SEM1: variants seen among roughly 807,000 people sequenced by gnomAD.
SEM1 encodes the protein SEM1 26S proteasome subunit.
A neutral mutation model predicts 12.7 loss-of-function variants in SEM1; 3 were observed. That is an observed-to-expected ratio of 0.24 (90% CI 0.11 to 0.61). The LOEUF is 0.61. Ranked by LOEUF, SEM1 falls within the 20% of genes least tolerant of loss-of-function variation. The probability of loss-of-function intolerance (pLI) is 0.88; values close to 1 mark genes in which losing one functional copy is unlikely to be tolerated. For missense variants in SEM1, 59 were observed against 81.3 expected (o/e 0.73, Z 1.06); for synonymous variants, 30 against 27.8 (o/e 1.08, Z -0.25).
At chr7:96,605,792 C>T (rs193123915) in intron 2 of SEM1, among the ~76,000 whole-genome samples, 1 of 152,254 alleles carries the variant, frequency 6.6e-6, no homozygotes, top group African/African-American at 2.4e-5. Flanking sequence ...GGTCAACCCC[C>T]ATCCAAAAAT....
At chr7:96,586,779 G>A (rs1285344747) in intron 2 of SEM1, among the ~76,000 whole-genome samples, 1 of 152,114 alleles carries the variant, frequency 6.6e-6, no homozygotes, top group African/African-American at 2.4e-5. Flanking sequence ...TAATGAAATA[G>A]GTCCTGTTAT....
intron 3 of SEM1, among the ~76,000 whole-genome samples, chr7:96,502,635 G>GT (rs1486302981): frequency 3.9e-5 from 6 of 152,092 alleles, no homozygotes; most frequent in Admixed American, 2.0e-4. Flanking sequence ...ACTATTATTT[G>GT]GGTTATGTCA....
intron 2 of SEM1, among the ~76,000 whole-genome samples, chr7:96,564,053 A>T (rs1220347556): frequency 6.6e-6 from 1 of 152,114 alleles, no homozygotes; most frequent in African/African-American, 2.4e-5. Flanking sequence ...TAAAATAGAC[A>T]TTATTTAAAA....
chr7:96,639,527 CA>C (rs1307673629), intron 2 of SEM1, among the ~76,000 whole-genome samples: 1 of 151,780 alleles, frequency 6.6e-6, no homozygotes, highest in East Asian at 1.9e-4. Flanking sequence ...ACAGGACATC[CA>C]AATGCAATGA....
chr7:96,688,447 G>T (rs1439527968), downstream of SEM1: 1 of 152,012 alleles, frequency 6.6e-6, no homozygotes, highest in Non-Finnish European at 1.5e-5. Flanking sequence ...GGTTTTGAAA[G>T]GTCACCTTAT....
chr7:96,526,246 C>G (rs942419831), intron 2 of SEM1, among the ~76,000 whole-genome samples: 3 of 151,818 alleles, frequency 2.0e-5, no homozygotes, highest in South Asian at 4.2e-4. Flanking sequence ...AAACAGTTCT[C>G]TGGGCACAGG....
chr7:96,584,152 G>A (rs948893046), intron 2 of SEM1, among the ~76,000 whole-genome samples: 2 of 152,010 alleles, frequency 1.3e-5, no homozygotes, highest in East Asian at 1.9e-4. Context: ...AGCTCTTTTT[G>A]GGTAGGCCTG....
At chr7:96,587,430 T>C (rs1806676864) in intron 2 of SEM1, among the ~76,000 whole-genome samples, 1 of 152,200 alleles carries the variant, frequency 6.6e-6, no homozygotes. Flanking sequence ...CACCCCTGCA[T>C]TCCACTATCT....
At chr7:96,618,337 T>C (rs1584809006), downstream of SEM1, among the ~76,000 whole-genome samples, 1 of 152,330 alleles carries the variant, frequency 6.6e-6, no homozygotes, top group African/African-American at 2.4e-5. Context: ...TTTTTTCACT[T>C]TGACATTAGA....
chr7:96,522,408 T>C (rs1290257352), intron 2 of SEM1, among the ~76,000 whole-genome samples: 1 of 152,056 alleles, frequency 6.6e-6, no homozygotes, highest in Non-Finnish European at 1.5e-5. Context: ...TAACAATGAT[T>C]GCCCAAGTCA....
At chr7:96,484,050 T>C in intron 3 of SEM1, 2 of 1,387,818 alleles carry the variant, frequency 1.4e-6, no homozygotes, top group Middle Eastern at 1.9e-4. Flanking sequence ...TCATGCATAT[T>C]AACTTATTCA....
At chr7:96,613,518 T>C (rs929333564) in intron 2 of SEM1, among the ~76,000 whole-genome samples, 3 of 152,226 alleles carry the variant, frequency 2.0e-5, no homozygotes, top group African/African-American at 7.2e-5. Flanking sequence ...ATCTATCACC[T>C]CAAATAATTA....
intron 2 of SEM1, among the ~76,000 whole-genome samples, chr7:96,508,517 A>G (rs1005646803): frequency 4.6e-5 from 7 of 152,086 alleles, no homozygotes; most frequent in African/African-American, 1.7e-4. Flanking sequence ...AGATTTCCCA[A>G]TTCCTGGCCC....
intron 2 of SEM1, among the ~76,000 whole-genome samples, chr7:96,541,490 G>A (rs986438007): frequency 1.5e-5 from 2 of 131,068 alleles, no homozygotes; most frequent in African/African-American, 2.9e-5. Flanking sequence ...TATAGATTCC[G>A]AATATTAGAC....
intron 2 of SEM1, among the ~76,000 whole-genome samples, chr7:96,534,259 T>C (rs1333182136): frequency 6.6e-6 from 1 of 152,078 alleles, no homozygotes; most frequent in Non-Finnish European, 1.5e-5. Context: ...AAACAAAATT[T>C]AGAATTTTGG....
intron 2 of SEM1, among the ~76,000 whole-genome samples, chr7:96,588,344 C>A (rs1806711846): frequency 9.3e-6 from 1 of 108,036 alleles, no homozygotes; most frequent in African/African-American, 3.5e-5. Context: ...AAGATCATGT[C>A]TAAAAACAAA....
At chr7:96,659,913 C>CAAAAAAAAAA (rs71529826) in intron 2 of SEM1, among the ~76,000 whole-genome samples, 168 of 66,594 alleles carry the variant, frequency 2.5e-3, no homozygotes, top group East Asian at 3.8e-3. Context: ...AGTAAGATGG[C>CAAAAAAAAAA]AAAAAAAAAA....
intron 2 of SEM1, among the ~76,000 whole-genome samples, chr7:96,662,152 C>A (rs978624734): frequency 1.8e-4 from 28 of 152,066 alleles, no homozygotes; most frequent in South Asian, 4.2e-4. Context: ...TGCCATTTGA[C>A]CCAGCAATCC....
rs181728783 is a variant in SEM1 at position 96,569,108 on chromosome 7, C to G, written c.171-62410G>C. 4.5e-4 allele frequency among the ~76,000 whole-genome samples: 68 copies of G among 151,808 alleles called. No homozygotes were observed. In the East Asian group the frequency reaches 0.011, roughly 25 times the overall value. On this transcript the variant is annotated intron_variant and NMD_transcript_variant, in intron 2 of 3. Transcript: ENST00000466986. Reference sequence around the variant, plus strand: ...GATCCAGTTTTTTTAAGATGCGACCCCGTTGTTGAAAGTAAATGTATGCTT... The same window carrying G: ...GATCCAGTTTTTTTAAGATGCGACCGCGTTGTTGAAAGTAAATGTATGCTT...
Sources: allele counts gnomAD v4.1 joint callset (sites outside exome capture counted in the v4.1 genomes callset), GRCh38; gene constraint gnomAD v4.1.1; transcripts MANE v1.5; gene names NCBI Gene and HGNC (gene_info 2026-07-23, HGNC 2026-07-21).